Variants in GRIA4 observed in about 807,000 individuals in gnomAD.
The protein encoded by GRIA4 is glutamate receptor 4.
Under a neutral mutation model 104.0 loss-of-function variants are expected in GRIA4, and 34 were observed. The ratio of observed to expected loss-of-function variants is 0.33; its 90% confidence interval spans 0.25 to 0.44. The LOEUF (loss-of-function observed/expected upper bound fraction) is 0.44. GRIA4 is among the 20% of genes least tolerant of loss of function. GRIA4 has a pLI of 1.00. For synonymous variants in GRIA4, 386 were observed against 381.9 expected (o/e 1.01, Z -0.13); for missense variants, 750 against 1,096.5 (o/e 0.68, Z 4.46).
chr11:105,704,152 C>G (rs1953608092), intron 3 of GRIA4, among the ~76,000 whole-genome samples: 3 of 151,960 alleles, frequency 2.0e-5, no homozygotes, highest in Admixed American at 6.6e-5. Context: ...AAGAAATGGC[C>G]CATTCTCCCA....
At chr11:105,894,798 T>TCCCACCAAAAAATAAACCAAACACTC (rs1591410229) in intron 6 of GRIA4, among the ~76,000 whole-genome samples, 2 of 138,676 alleles carry the variant, frequency 1.4e-5, no homozygotes, top group Admixed American at 7.4e-5. Flanking sequence ...CATATTTTTT[T>TCCCACCAAAAAATAAACCAAACACTC]TTTTTTTTTT....
intron 4 of GRIA4, among the ~76,000 whole-genome samples, chr11:105,767,789 C>G (rs1177295510): frequency 6.6e-6 from 1 of 152,010 alleles, no homozygotes; most frequent in Non-Finnish European, 1.5e-5. Context: ...AAATGCGACC[C>G]ATAGAGATTA....
rs553902926 is a variant in GRIA4 at position 105,862,511 on chromosome 11, T to C, written c.672+303T>C. On this transcript the variant is annotated intron_variant, in intron 5 of 16. Coordinates refer to ENST00000282499, the MANE Select transcript of GRIA4 (RefSeq NM_000829.4). ...CCTCCAGTTTTCGAAAATATTAATG[T>C]TGAAGATTAATCCCATCTAAAAATA... is the stretch of plus-strand genomic sequence containing the variant. The C allele has an allele frequency of 3.0e-5, 6 of 200,666 alleles. No individual in the cohort carries two copies. The South Asian group carries it at 6.8e-4, about 23-fold the overall frequency. 12.4% of individuals were successfully genotyped at this position (200,666 alleles called of 1,614,324 possible).
intron 6 of GRIA4, among the ~76,000 whole-genome samples, chr11:105,892,241 T>C (rs1946482753): frequency 6.6e-6 from 1 of 152,186 alleles, no homozygotes; most frequent in African/African-American, 2.4e-5. Context: ...ACCAGTCAAA[T>C]AATTTAAATA....
chr11:105,909,323 T>TA (rs1454287318), intron 9 of GRIA4, among the ~76,000 whole-genome samples: 3 of 152,168 alleles, frequency 2.0e-5, no homozygotes, highest in East Asian at 3.8e-4. Context: ...TACAGACCAG[T>TA]GAGCAAATGC....
intron 4 of GRIA4, among the ~76,000 whole-genome samples, chr11:105,781,506 C>G (rs964014611): frequency 6.6e-6 from 1 of 151,978 alleles, no homozygotes; most frequent in African/African-American, 2.4e-5. Flanking sequence ...ATACCTATTT[C>G]CTTTTTATTT....
At chr11:105,928,518 C>T (rs960518386) in intron 13 of GRIA4, among the ~76,000 whole-genome samples, 3 of 151,594 alleles carry the variant, frequency 2.0e-5, no homozygotes, top group South Asian at 2.1e-4. Context: ...ATTTCAGTAC[C>T]GTGCTGCCGG....
At chr11:105,647,115 C>A (rs1951551704) in intron 3 of GRIA4, among the ~76,000 whole-genome samples, 1 of 152,048 alleles carries the variant, frequency 6.6e-6, no homozygotes, top group Non-Finnish European at 1.5e-5. Context: ...AAGAAATAAA[C>A]CCATTAAAAA....
Position 105,685,184 on chromosome 11 carries a change from A to T in GRIA4, c.248-67797A>T, listed in dbSNP as rs1341345358. ...AAGGAAGGGAGGGAGGGAGGGAGAG[A>T]GGGAGGGAGGGAGGAAGGAAGGAAG... is the stretch of plus-strand genomic sequence containing the variant. On this transcript the variant is annotated intron_variant, in intron 3 of 16. Transcript: ENST00000282499. Among the ~76,000 whole-genome samples, 3 of 132,718 alleles carry T rather than the reference A, an allele frequency of 2.3e-5. No individual in the cohort carries two copies. In the East Asian group the frequency reaches 7.8e-4, roughly 35 times the overall value. 87.1% of individuals were successfully genotyped at this position (132,718 alleles called of 152,430 possible). A position where few individuals can be genotyped will look rare whatever the true frequency, so the allele number is the denominator to read the frequency against.
At chr11:105,687,575 ATAGT>A (rs1952923414) in intron 3 of GRIA4, among the ~76,000 whole-genome samples, 1 of 152,314 alleles carries the variant, frequency 6.6e-6, no homozygotes, top group East Asian at 1.9e-4. Context: ...CAGATAAAAG[ATAGT>A]TAGCAATTGA....
Position 105,753,238 on chromosome 11 carries a change from A to T in GRIA4, c.487+18A>T. On this transcript the variant is annotated intron_variant, in intron 4 of 16. Coordinates refer to ENST00000282499, the MANE Select transcript of GRIA4 (RefSeq NM_000829.4). Reference sequence around the variant, plus strand: ...AGACAGGGGTAAGTCCAGTTTCTTCATCTATTAGAGCAAAACTCTAATTTT... The same window carrying T: ...AGACAGGGGTAAGTCCAGTTTCTTCTTCTATTAGAGCAAAACTCTAATTTT... 1 of 1,611,394 alleles carries T rather than the reference A, an allele frequency of 6.2e-7. No homozygotes were observed. Among genetic ancestry groups the T allele is most frequent in the Non-Finnish European group, 8.5e-7 (1 of 1,177,688 alleles).
chr11:105,729,621 C>A (rs1938455241), intron 3 of GRIA4, among the ~76,000 whole-genome samples: 1 of 152,302 alleles, frequency 6.6e-6, no homozygotes, highest in South Asian at 2.1e-4. Context: ...AAGATACTGG[C>A]AAACTGAATC....
chr11:105,683,121 TA>T (rs1489596976), intron 3 of GRIA4, among the ~76,000 whole-genome samples: 2 of 152,164 alleles, frequency 1.3e-5, no homozygotes, highest in East Asian at 3.8e-4. Context: ...TAAGATGGAG[TA>T]TAAGGAATAA....
chr11:105,942,024 C>G (rs1344864235), intron 14 of GRIA4, among the ~76,000 whole-genome samples: 2 of 152,068 alleles, frequency 1.3e-5, no homozygotes, highest in African/African-American at 2.4e-5. Context: ...GCATTATCAG[C>G]AAGTATACCT....
rs1859268604 is a variant in GRIA4 at position 105,981,944 on chromosome 11, A to T, written c.*2205A>T. ...CACGGCACTTACCATACTGCGTTGT[A>T]ATTGCCTGTGTACTCGTCTGTATAA... is the stretch of plus-strand genomic sequence containing the variant. On this transcript the variant is annotated 3_prime_UTR_variant, in exon 17 of 17. Coordinates refer to ENST00000282499, the MANE Select transcript of GRIA4 (RefSeq NM_000829.4). 6.6e-6 allele frequency: 1 copy of T among 151,338 alleles called. No individual in the cohort carries two copies. Among genetic ancestry groups the T allele is most frequent in the Admixed American group, 6.6e-5 (1 of 15,126 alleles). The allele number at this position is 151,338 out of a possible 1,614,324, so 9.4% of individuals were successfully genotyped here.
At chr11:105,924,841 A>AG in intron 12 of GRIA4, 72 bp downstream of exon 12, 1 of 1,156,676 alleles carries the variant, frequency 8.6e-7, no homozygotes, top group Non-Finnish European at 1.2e-6. Flanking sequence ...TTATCTCTCT[A>AG]CATGTTCTTT....
intron 4 of GRIA4, among the ~76,000 whole-genome samples, chr11:105,836,871 A>T (rs1249427808): frequency 6.6e-6 from 1 of 152,158 alleles, no homozygotes; most frequent in East Asian, 1.9e-4. Context: ...TTTTATGTGT[A>T]TGATAACCCA....
At chr11:105,934,449 T>C (rs1947974238) in intron 14 of GRIA4, among the ~76,000 whole-genome samples, 1 of 152,162 alleles carries the variant, frequency 6.6e-6, no homozygotes, top group Admixed American at 6.6e-5. Context: ...TTGGAGATTA[T>C]CTTGAGGTTG....
At chr11:105,709,390 A>G (rs1159496685) in intron 3 of GRIA4, among the ~76,000 whole-genome samples, 1 of 152,186 alleles carries the variant, frequency 6.6e-6, no homozygotes, top group Non-Finnish European at 1.5e-5. Context: ...GGTAAATATC[A>G]CAGTCATAAT....
Sources: allele counts gnomAD v4.1 joint callset (sites outside exome capture counted in the v4.1 genomes callset), GRCh38; gene constraint gnomAD v4.1.1; transcripts MANE v1.5; gene names NCBI Gene and HGNC (gene_info 2026-07-23, HGNC 2026-07-21).